Variants in KIAA1217 observed in about 807,000 individuals in gnomAD.
KIAA1217 encodes KIAA1217, also known as sickle tail protein homolog.
KIAA1217 carries 88 observed loss-of-function variants against 163.9 expected under a neutral mutation model. The ratio of observed to expected loss-of-function variants is 0.54; its 90% CI spans 0.45 to 0.64. The LOEUF is 0.64. Ranked by LOEUF, KIAA1217 falls within the 30% of genes least tolerant of loss-of-function variation. KIAA1217 has a pLI of 0.00. For missense variants in KIAA1217, 2,372 were observed against 2,475.0 expected, an observed-to-expected ratio of 0.96 and a Z score of 0.88; for synonymous variants, 903 against 923.1, an observed-to-expected ratio of 0.98 and a Z score of 0.39.
At chr10:23,745,936 C>G (rs1839388130) in intron 1 of KIAA1217, among the ~76,000 whole-genome samples, 1 of 152,176 alleles carries the variant, frequency 6.6e-6, no homozygotes, top group East Asian at 1.9e-4. Flanking sequence ...TTCAGACTTT[C>G]CTGATATTTT....
intron 2 of KIAA1217, among the ~76,000 whole-genome samples, chr10:24,310,879 C>T (rs2042612263): frequency 6.6e-6 from 1 of 152,084 alleles, no homozygotes; most frequent in African/African-American, 2.4e-5. Context: ...CACCTGTAGT[C>T]CTAGCTATTT....
intron 10 of KIAA1217, among the ~76,000 whole-genome samples, chr10:24,515,954 T>A (rs746059962): frequency 2.0e-5 from 3 of 152,160 alleles, no homozygotes; most frequent in Admixed American, 6.5e-5. Context: ...CTCTGTAGTC[T>A]CAGCTACTCA....
At chr10:24,495,043 C>A in intron 7 of KIAA1217, 104 bp from the exon 8 acceptor site, 1 of 912,278 alleles carries the variant, frequency 1.1e-6, no homozygotes. Flanking sequence ...TTGCTTAATC[C>A]CATCACTGCC....
At chr10:23,957,908 G>T (rs932064438) in intron 1 of KIAA1217, among the ~76,000 whole-genome samples, 1 of 152,142 alleles carries the variant, frequency 6.6e-6, no homozygotes, top group Non-Finnish European at 1.5e-5. Flanking sequence ...ATCTTCAGAA[G>T]AAGGTGGCTG....
intron 2 of KIAA1217, among the ~76,000 whole-genome samples, chr10:24,064,991 C>T (rs983007610): frequency 3.9e-5 from 6 of 152,064 alleles, no homozygotes; most frequent in Admixed American, 2.0e-4. Flanking sequence ...GGTGATATCA[C>T]CTTTGTCATT....
intron 3 of KIAA1217, among the ~76,000 whole-genome samples, chr10:24,387,975 C>A (rs1273094341): frequency 6.6e-5 from 10 of 152,176 alleles, no homozygotes; most frequent in Non-Finnish European, 1.3e-4. Context: ...AATGGCCATA[C>A]TGCCCAAGGT....
rs375862259 is a variant in KIAA1217 at position 24,075,664 on chromosome 10, C to T, written c.-171+68290C>T. 9.7e-4 allele frequency among the ~76,000 whole-genome samples: 145 copies of T among 149,334 alleles called. 1 individual carries two copies. The highest frequency in any genetic ancestry group is 3.4e-3 in the African/African-American group (135 of 40,094). ...TGTTGCCCAGGCTGGAGTGCAATGG[C>T]GGGATCTCAGCTCACTGCTACCTCT... On this transcript the variant is annotated intron_variant, in intron 2 of 18. Coordinates refer to the KIAA1217 transcript ENST00000376462.
At chr10:23,956,145 T>G (rs1419131017) in intron 1 of KIAA1217, among the ~76,000 whole-genome samples, 1 of 152,192 alleles carries the variant, frequency 6.6e-6, no homozygotes, top group African/African-American at 2.4e-5. Context: ...ATAAGGGAGC[T>G]GCAACTTAGG....
chr10:23,735,795 A>C (rs918716042), intron 1 of KIAA1217, among the ~76,000 whole-genome samples: 1 of 152,194 alleles, frequency 6.6e-6, no homozygotes, highest in African/African-American at 2.4e-5. Flanking sequence ...TATAATTGAC[A>C]TACAATAAAT....
intron 2 of KIAA1217, among the ~76,000 whole-genome samples, chr10:24,254,363 A>C (rs2131579472): frequency 6.6e-6 from 1 of 152,380 alleles, no homozygotes; most frequent in South Asian, 2.1e-4. Flanking sequence ...AGTTGGTCTC[A>C]TAGCCTGTGA....
At chr10:24,068,866 G>A (rs1482890140) in intron 2 of KIAA1217, among the ~76,000 whole-genome samples, 2 of 152,214 alleles carry the variant, frequency 1.3e-5, no homozygotes, top group African/African-American at 4.8e-5. Context: ...TGCTGTGCTA[G>A]GAGAAGGAGC....
chr10:23,983,491 AAG>A (rs1223921966), intron 1 of KIAA1217, among the ~76,000 whole-genome samples: 1 of 151,748 alleles, frequency 6.6e-6, no homozygotes, highest in Non-Finnish European at 1.5e-5. Context: ...GAGCAGAAGG[AAG>A]AGAGAGAGAG....
chr10:24,355,619 TG>T (rs1023365268), intron 2 of KIAA1217, among the ~76,000 whole-genome samples: 2 of 150,898 alleles, frequency 1.3e-5, no homozygotes, highest in African/African-American at 2.4e-5. Flanking sequence ...AATTTGGGGT[TG>T]GGGGGCACTC....
chr10:23,966,969 C>T (rs555066422), intron 1 of KIAA1217, among the ~76,000 whole-genome samples: 4 of 152,102 alleles, frequency 2.6e-5, no homozygotes, highest in African/African-American at 9.6e-5. Flanking sequence ...AAACTAAATA[C>T]ATATTGGAAA....
intron 3 of KIAA1217, among the ~76,000 whole-genome samples, chr10:24,412,692 T>C (rs1488800271): frequency 1.3e-5 from 2 of 152,214 alleles, no homozygotes; most frequent in African/African-American, 4.8e-5. Flanking sequence ...TTCTCATCCA[T>C]AGACACTGGC....
At chr10:23,946,174 C>G (rs1844031216) in intron 1 of KIAA1217, among the ~76,000 whole-genome samples, 2 of 151,572 alleles carry the variant, frequency 1.3e-5, no homozygotes, top group African/African-American at 2.4e-5. Context: ...TGAAACGTGG[C>G]TCACTTTCTT....
intron 1 of KIAA1217, among the ~76,000 whole-genome samples, chr10:23,855,799 C>T (rs1041078685): frequency 2.8e-4 from 43 of 152,134 alleles, no homozygotes; most frequent in African/African-American, 7.2e-4. Flanking sequence ...TCCAGTTGAT[C>T]GCATCGGCTC....
chr10:23,780,401 C>T (rs953400817), intron 1 of KIAA1217, among the ~76,000 whole-genome samples: 2 of 152,132 alleles, frequency 1.3e-5, no homozygotes, highest in Admixed American at 6.5e-5. Context: ...AAACTTTGTA[C>T]TCTTTGACCC....
intron 1 of KIAA1217, among the ~76,000 whole-genome samples, chr10:24,003,085 C>T (rs1048044284): frequency 1.3e-5 from 2 of 152,224 alleles, no homozygotes; most frequent in African/African-American, 4.8e-5. Context: ...CACATCTCTA[C>T]AATTGTGAAT....
Sources: gnomAD v4.1 joint callset for allele counts (sites outside exome capture counted in the v4.1 genomes callset) on GRCh38, gnomAD v4.1.1 for gene constraint, MANE v1.5 for transcripts, NCBI Gene and HGNC (gene_info 2026-07-23, HGNC 2026-07-21) for gene names.